NRXN3: variants seen among roughly 807,000 people sequenced by gnomAD.
NRXN3 encodes neurexin 3, also known as neurexin III.
A neutral mutation model predicts 137.6 loss-of-function variants in NRXN3; 32 were observed. That is an observed-to-expected ratio of 0.23 (90% CI 0.18 to 0.31). The LOEUF (loss-of-function observed/expected upper bound fraction) is 0.31, where lower values mean the gene tolerates loss of function less well. NRXN3 is among the 10% of genes least tolerant of loss of function. The pLI, the probability that NRXN3 is intolerant of heterozygous loss-of-function variation, is 1.00. For missense variants in NRXN3, 1,574 were observed against 2,062.5 expected, an observed-to-expected ratio of 0.76 and a Z score of 4.59; for synonymous variants, 798 against 784.5, an observed-to-expected ratio of 1.02 and a Z score of -0.29.
chr14:78,644,220 A>G (rs2097664361), intron 4 of NRXN3, among the ~76,000 whole-genome samples: 1 of 152,152 alleles, frequency 6.6e-6, no homozygotes, highest in African/African-American at 2.4e-5. Flanking sequence ...CAAGCCCTGA[A>G]AAACAGGCTT....
chr14:79,064,798 T>C (rs1408127881), intron 15 of NRXN3, among the ~76,000 whole-genome samples: 1 of 52,742 alleles, frequency 1.9e-5, no homozygotes, highest in African/African-American at 5.1e-5. Flanking sequence ...TAATTACCCA[T>C]ATATATGTGT....
intron 6 of NRXN3, among the ~76,000 whole-genome samples, chr14:78,675,009 G>A (rs1441494858): frequency 1.3e-5 from 2 of 152,152 alleles, no homozygotes; most frequent in Admixed American, 1.3e-4. Flanking sequence ...CCACACAGCA[G>A]GTGCTCAGTG....
intron 15 of NRXN3, among the ~76,000 whole-genome samples, chr14:79,134,245 A>G (rs2057980805): frequency 6.6e-6 from 1 of 152,220 alleles, no homozygotes; most frequent in African/African-American, 2.4e-5. Context: ...ACTTGTCAAC[A>G]GGTAATATGG....
intron 20 of NRXN3, among the ~76,000 whole-genome samples, chr14:79,821,810 C>G (rs369141343): frequency 4.6e-4 from 69 of 151,560 alleles, no homozygotes; most frequent in African/African-American, 1.6e-3. Flanking sequence ...CAAAGATAAA[C>G]TGATTTGCTG....
At chr14:79,707,563 C>T (rs2098785753) in intron 19 of NRXN3, among the ~76,000 whole-genome samples, 1 of 152,058 alleles carries the variant, frequency 6.6e-6, no homozygotes, top group East Asian at 1.9e-4. Flanking sequence ...TAATATAAGT[C>T]AAGGGCTTAA....
At chr14:79,390,206 A>G (rs2094796973) in intron 15 of NRXN3, among the ~76,000 whole-genome samples, 1 of 151,464 alleles carries the variant, frequency 6.6e-6, no homozygotes, top group Non-Finnish European at 1.5e-5. Flanking sequence ...AGTCCCAGCT[A>G]CTCGGGAGGC....
chr14:79,799,320 C>T (rs1359409515), intron 19 of NRXN3, among the ~76,000 whole-genome samples: 2 of 152,118 alleles, frequency 1.3e-5, no homozygotes, highest in Non-Finnish European at 2.9e-5. Flanking sequence ...GAATATTTTT[C>T]TCCCCTTGAG....
At chr14:79,022,367 G>T (rs2099591214) in intron 15 of NRXN3, among the ~76,000 whole-genome samples, 1 of 151,974 alleles carries the variant, frequency 6.6e-6, no homozygotes, top group African/African-American at 2.4e-5. Context: ...GGTCTCCTAG[G>T]TGTGTTAGGT....
intron 4 of NRXN3, among the ~76,000 whole-genome samples, chr14:78,634,492 G>A (rs2097549874): frequency 6.6e-6 from 1 of 152,184 alleles, no homozygotes; most frequent in Admixed American, 6.5e-5. Context: ...GATTTATTGG[G>A]CGGTTAGACG....
At chr14:78,845,905 G>A in intron 10 of NRXN3, among the ~76,000 whole-genome samples, 1 of 146,344 alleles carries the variant, frequency 6.8e-6, no homozygotes, top group Admixed American at 6.9e-5. Context: ...AGTATGTTGG[G>A]GTGTGTGTGT....
intron 15 of NRXN3, among the ~76,000 whole-genome samples, chr14:79,419,846 A>T (rs1228013939): frequency 1.3e-5 from 2 of 152,172 alleles, no homozygotes; most frequent in African/African-American, 2.4e-5. Flanking sequence ...CATAACTGGG[A>T]GCTCTGATTA....
chr14:79,418,712 G>A (rs2095533249), intron 15 of NRXN3, among the ~76,000 whole-genome samples: 1 of 152,122 alleles, frequency 6.6e-6, no homozygotes, highest in Non-Finnish European at 1.5e-5. Context: ...GTCACAAAAG[G>A]ACCCTCGTGG....
chr14:79,364,496 A>G lies in NRXN3; in HGVS notation c.3263-102725A>G, dbSNP rs145123254. ...TTTCATGTTTTGCTATTTATAAGAG[A>G]GGAGTCTATCATGCAAGGATGCAAA... On this transcript the variant is annotated intron_variant, in intron 15 of 20. Transcript: ENST00000335750. 3.7e-3 allele frequency among the ~76,000 whole-genome samples: 567 copies of G among 152,330 alleles called. 5 individuals are homozygous for G. Among genetic ancestry groups the G allele is most frequent in the African/African-American group, 0.013 (524 of 41,580 alleles).
In NRXN3 at chr14:78,938,848, C is replaced by CT. The variant is rs1255540319; in HGVS notation, c.2276-18378dup. On this transcript the variant is annotated intron_variant, in intron 10 of 20. Transcript: ENST00000335750. Reference sequence around the variant, plus strand: ...TATTTGAAGGTCCAGAGTGATTTTTCTTTTTTTTTTTTTTTTGAGATGGAG... The same window carrying CT: ...TATTTGAAGGTCCAGAGTGATTTTTCTTTTTTTTTTTTTTTTTGAGATGGAG... 7.9e-3 allele frequency among the ~76,000 whole-genome samples: 1,037 copies of CT among 132,000 alleles called. 13 individuals carry two copies. Among genetic ancestry groups the CT allele is most frequent in the African/African-American group, 0.013 (459 of 35,864 alleles). 86.6% of individuals were successfully genotyped at this position (132,000 alleles called of 152,430 possible).
At chr14:79,811,581 C>CTTTTTTTTTTTTTTTTTTTTTTCT (rs370942970) in intron 20 of NRXN3, among the ~76,000 whole-genome samples, 1 of 116,612 alleles carries the variant, frequency 8.6e-6, no homozygotes, top group Admixed American at 1.0e-4. Flanking sequence ...TTTCTTTTTT[C>CTTTTTTTTTTTTTTTTTTTTTTCT]TTTTTTTTTT....
At chr14:79,569,944 A>G (rs2097584392) in intron 16 of NRXN3, among the ~76,000 whole-genome samples, 1 of 152,056 alleles carries the variant, frequency 6.6e-6, no homozygotes, top group Admixed American at 6.6e-5. Flanking sequence ...AAAAAAGAAG[A>G]ATCTACTTTA....
chr14:79,568,508 A>C lies in NRXN3; in HGVS notation c.3445-95270A>C, dbSNP rs74331849. Among the ~76,000 whole-genome samples the C allele has an allele frequency of 4.9e-3, 741 of 152,168 alleles. 3 individuals carry two copies. Among genetic ancestry groups the C allele is most frequent in the Middle Eastern group, 0.01 (3 of 294 alleles). On this transcript the variant is annotated intron_variant, in intron 16 of 20. Transcript: ENST00000335750. Reference sequence around the variant, plus strand: ...TTACCCATTCTACAGAAAACCAACAAACTCCACCTCAGAGAGATGTTCTCA... The same window carrying C: ...TTACCCATTCTACAGAAAACCAACACACTCCACCTCAGAGAGATGTTCTCA...
chr14:78,969,403 G>A (rs1253616956), intron 14 of NRXN3, among the ~76,000 whole-genome samples: 1 of 152,188 alleles, frequency 6.6e-6, no homozygotes, highest in Non-Finnish European at 1.5e-5. Context: ...AGGCAAAGAA[G>A]TTGCCTGACC....
intron 16 of NRXN3, among the ~76,000 whole-genome samples, chr14:79,476,696 G>A (rs1203686759): frequency 7.9e-5 from 12 of 152,016 alleles, no homozygotes; most frequent in East Asian, 3.9e-4. Context: ...AAAATACCAG[G>A]TACCAGACAC....
Sources: allele counts gnomAD v4.1 joint callset (sites outside exome capture counted in the v4.1 genomes callset), GRCh38; gene constraint gnomAD v4.1.1; transcripts MANE v1.5; gene names NCBI Gene and HGNC (gene_info 2026-07-23, HGNC 2026-07-21).